TCEAL5: variants seen among roughly 807,000 people sequenced by gnomAD.
TCEAL5 encodes transcription elongation factor A like 5, also known as transcription elongation factor A protein-like 5.
For synonymous variants in TCEAL5, 65 were observed against 61.2 expected (o/e 1.06, Z -0.29); for missense variants, 111 against 158.1 (o/e 0.70, Z 1.60).
chrX:103,273,987 C>G lies in TCEAL5; in HGVS notation c.577G>C (p.Gly193Arg), dbSNP rs780051560. The change falls in exon 3 of 3, where the codon GGA (glycine) becomes CGA (arginine). Residue 193 changes from glycine (G) to arginine (R), a missense_variant. By Grantham distance (125) the Gly-to-Arg change is moderately radical. Transcript: ENST00000372680. ...GQRGVRGVRG[G>R]GRGQKDLEDV... is the part of the protein sequence containing the mutation. ...TCTAAGTCTTTCTGGCCCCTACCTC[C>G]GCCCCTCACTCCCCTCACACCCCGT... The G allele has an allele frequency of 2.5e-6, 3 of 1,212,105 alleles. No individual in the cohort carries two copies. The East Asian group carries it at 8.9e-5, about 36-fold the overall frequency.
Position 103,273,949 on chromosome X carries a change from A to G in TCEAL5, c.615T>C (p.Tyr205=). The G allele has an allele frequency of 3.3e-6, 4 of 1,210,946 alleles. No individual in the cohort carries two copies. The highest frequency in any genetic ancestry group is 2.3e-4 in the Middle Eastern group (1 of 4,344). The change falls in exon 3 of 3, where the codon TAT becomes TAC. Residue 205 remains tyrosine (Y), a synonymous_variant. Coordinates refer to ENST00000372680, the MANE Select transcript of TCEAL5 (RefSeq NM_001012979.3). ...RGQKDLEDVP[Y]V ...GAATTAAAGGCCAAAGACATTAAAC[A>G]TATGGGACATCTTCTAAGTCTTTCT...
intron 1 of TCEAL5, among the ~76,000 whole-genome samples, chrX:103,275,739 TTC>T (rs1332766762): frequency 1.8e-5 from 2 of 111,193 alleles, no homozygotes; most frequent in Non-Finnish European, 3.8e-5. Context: ...AGCCCACCAC[TTC>T]TCTGAAAATG....
In TCEAL5 at chrX:103,273,871, G is replaced by A. The variant is rs1426325397; in HGVS notation, c.*72C>T. The stretch of plus-strand genomic sequence containing the variant: ...GCTTAAGGTTAAAGCACATAGGCCG[G>A]CAAATGCCTGCCAGGAAAAGCAGGA... On this transcript the variant is annotated 3_prime_UTR_variant, in exon 3 of 3. Coordinates refer to ENST00000372680, the MANE Select transcript of TCEAL5 (RefSeq NM_001012979.3). 1.7e-6 allele frequency: 2 copies of A among 1,158,615 alleles called. No individual in the cohort carries two copies. The highest frequency in any genetic ancestry group is 1.2e-6 in the Non-Finnish European group (1 of 866,929).
chrX:103,276,221 G>GGTC (rs985137521), intron 1 of TCEAL5, among the ~76,000 whole-genome samples: 1 of 110,530 alleles, frequency 9.0e-6, no homozygotes, highest in African/African-American at 3.3e-5. Flanking sequence ...GACATCACCC[G>GGTC]GTCGCCGGCT....
chrX:103,274,530 G>A lies in TCEAL5; in HGVS notation c.34C>T (p.Pro12Ser), dbSNP rs141706642. 17 of 1,199,574 alleles carry A rather than the reference G, an allele frequency of 1.4e-5. No individual in the cohort carries two copies. In the African/African-American group the frequency reaches 2.5e-4, roughly 18 times the overall value. The part of the protein sequence containing the change: ...EKLYKENEGK[P>S]ENERNLESEG... ...CTTTCTAGGTTTCTTTCATTCTCTG[G>A]CTTTCCTTCATTTTCTTTGTAGAGC... Residue 12 changes from proline to serine, a missense_variant, in exon 3 of 3, where the codon CCA becomes TCA. By Grantham distance (74) the Pro-to-Ser change is moderately conservative. Transcript: ENST00000372680.
In TCEAL5 at chrX:103,274,508, T is replaced by C. The variant is rs1569307031; in HGVS notation, c.56A>G (p.Glu19Gly). 8.3e-7 allele frequency: 1 copy of C among 1,208,447 alleles called. No individual in the cohort carries two copies. Residue 19 changes from glutamate (E) to glycine (G), a missense_variant, in exon 3 of 3, where the codon GAA becomes GGA. Transcript: ENST00000372680. ...CTCATCCTCTGGCTTTCCCTCACTT[T>C]CTAGGTTTCTTTCATTCTCTGGCTT... is the stretch of plus-strand genomic sequence containing the variant. ...EGKPENERNL[E>G]SEGKPEDEGS...
intron 1 of TCEAL5, among the ~76,000 whole-genome samples, chrX:103,276,125 C>A (rs1925552301): frequency 9.0e-6 from 1 of 111,377 alleles, no homozygotes; most frequent in Admixed American, 9.5e-5. Flanking sequence ...CTGACTGTGC[C>A]CGCCTCCCGC....
rs991798820 is a variant in TCEAL5, at chrX:103,273,751, T to C, written c.*192A>G. The C allele has an allele frequency of 4.1e-5, 23 of 567,887 alleles. No individual in the cohort carries two copies. Among genetic ancestry groups the C allele is most frequent in the Admixed American group, 1.6e-4 (4 of 24,738 alleles). 46.8% of individuals were successfully genotyped at this position (567,887 alleles called of 1,213,427 possible). The stretch of plus-strand genomic sequence containing the variant: ...CAATGTACCATGAACATTTATTCCA[T>C]GCACATGGGTGAAAATCCTCTACTA... On this transcript the variant is annotated 3_prime_UTR_variant, in exon 3 of 3. Transcript: ENST00000372680.
In TCEAL5 at chrX:103,274,334, T is replaced by C; in HGVS notation, c.230A>G (p.Lys77Arg). The C allele has an allele frequency of 8.3e-7, 1 of 1,211,583 alleles. No individual in the cohort carries two copies. The highest frequency in any genetic ancestry group is 1.1e-6 in the Non-Finnish European group (1 of 895,458). The change falls in exon 3 of 3, where the codon AAG becomes AGG. Residue 77 changes from lysine (K) to arginine (R), a missense_variant. Physicochemically the swap from Lys to Arg is conservative, Grantham distance 26. Transcript: ENST00000372680. ...EDEGNQEKQG[K>R]SEGEDKPQSE... ...TTGTGGCTTGTCCTCACCTTCAGAC[T>C]TGCCCTGCTTTTCCTGGTTTCCCTC...
intron 2 of TCEAL5, among the ~76,000 whole-genome samples, chrX:103,275,011 C>A (rs767203537): frequency 9.0e-6 from 1 of 111,694 alleles, no homozygotes; most frequent in Non-Finnish European, 1.9e-5. Flanking sequence ...ATAGCCAGTT[C>A]TCAGATTTCA....
chrX:103,274,434 T>C lies in TCEAL5; in HGVS notation c.130A>G (p.Met44Val), dbSNP rs1037266574. 2 of 1,211,606 alleles carry C rather than the reference T, an allele frequency of 1.7e-6. No homozygotes were observed. The highest frequency in any genetic ancestry group is 5.9e-5 in the East Asian group (2 of 33,835). Residue 44 changes from methionine to valine, a missense_variant, in exon 3 of 3, where the codon ATG becomes GTG. Transcript: ENST00000372680. ...GKSDEEEKPDMEGKTECEGKR... is the reference protein window; with the variant it reads ...GKSDEEEKPDVEGKTECEGKR... ...CCCTCGCATTCTGTCTTCCCCTCCA[T>C]GTCCGGCTTTTCTTCCTCGTCTGAC...
intron 1 of TCEAL5, among the ~76,000 whole-genome samples, 155 bp from the exon 2 acceptor site, chrX:103,275,497 C>T (rs762881879): frequency 9.8e-5 from 11 of 111,866 alleles, no homozygotes; most frequent in African/African-American, 9.8e-5. Flanking sequence ...ATTCCCCCTC[C>T]GCGCGCAGCT....
Position 103,274,570 on chromosome X carries a change from A to G in TCEAL5, c.-7T>C. Reference sequence around the variant, plus strand: ...CTTTGTAGAGCTTTTCCATGTTGAGATGTTCCCTTCTTTGCCTTTCCTAGG... The same window carrying G: ...CTTTGTAGAGCTTTTCCATGTTGAGGTGTTCCCTTCTTTGCCTTTCCTAGG... On this transcript the variant is annotated 5_prime_UTR_variant, in exon 3 of 3. Transcript: ENST00000372680. 1.7e-6 allele frequency: 2 copies of G among 1,182,140 alleles called. No homozygotes were observed. Among genetic ancestry groups the G allele is most frequent in the South Asian group, 2.0e-5 (1 of 50,392 alleles).
chrX:103,273,717 G>T lies in TCEAL5; in HGVS notation c.*226C>A. 1 of 480,251 alleles carries T rather than the reference G, an allele frequency of 2.1e-6. No individual in the cohort carries two copies. The highest frequency in any genetic ancestry group is 5.6e-5 in the South Asian group (1 of 17,972). The allele number at this position is 480,251 out of a possible 1,213,427, so 39.6% of individuals were successfully genotyped here. Reference sequence around the variant, plus strand: ...ATGGTTCTGAAAACTCTTTTTTATTGTTATTTTACAATGTACCATGAACAT... The same window carrying T: ...ATGGTTCTGAAAACTCTTTTTTATTTTTATTTTACAATGTACCATGAACAT... On this transcript the variant is annotated 3_prime_UTR_variant, in exon 3 of 3. Coordinates refer to ENST00000372680, the MANE Select transcript of TCEAL5 (RefSeq NM_001012979.3).
At position 103,274,263 on chromosome X, in the gene TCEAL5, G is replaced by T. The variant is rs750367577; in HGVS notation, c.301C>A (p.Arg101=). The T allele has an allele frequency of 8.4e-7, 1 of 1,193,685 alleles. No homozygotes were observed. The highest frequency in any genetic ancestry group is 2.2e-5 in the Admixed American group (1 of 45,164). Reference sequence around the variant, plus strand: ...TCAGCCGGGCGCTTTTCGGCGGCCCGCGGCTGGCTCTCTGGCTTGGCCTGG... The same window carrying T: ...TCAGCCGGGCGCTTTTCGGCGGCCCTCGGCTGGCTCTCTGGCTTGGCCTGG... ...ASQAKPESQP[R]AAEKRPAEDY... is the part of the protein sequence containing the mutation. Residue 101 remains arginine, a synonymous_variant, in exon 3 of 3, where the codon CGG becomes AGG. Coordinates refer to ENST00000372680, the MANE Select transcript of TCEAL5 (RefSeq NM_001012979.3).
rs756169606 is a variant in TCEAL5 at position 103,274,531 on chromosome X, C to T, written c.33G>A (p.Lys11=). The change falls in exon 3 of 3, where the codon AAG becomes AAA. Residue 11 remains lysine, a synonymous_variant. Coordinates refer to ENST00000372680, the MANE Select transcript of TCEAL5 (RefSeq NM_001012979.3). The part of the protein sequence containing the change: MEKLYKENEG[K]PENERNLESE... ...TTTCTAGGTTTCTTTCATTCTCTGG[C>T]TTTCCTTCATTTTCTTTGTAGAGCT... The T allele has an allele frequency of 1.7e-6, 2 of 1,201,772 alleles. No individual in the cohort carries two copies. Among genetic ancestry groups the T allele is most frequent in the Admixed American group, 4.5e-5 (2 of 44,130 alleles).
rs1225492340 is a variant in TCEAL5 at position 103,275,288 on chromosome X, G to A, written c.-41C>T. 3.6e-5 allele frequency: 4 copies of A among 111,748 alleles called. No homozygotes were observed. The highest frequency in any genetic ancestry group is 1.3e-4 in the African/African-American group (4 of 30,501). 9.2% of individuals were successfully genotyped at this position (111,748 alleles called of 1,213,427 possible). A position where few individuals can be genotyped will look rare whatever the true frequency, so the allele number is the denominator to read the frequency against. On this transcript the variant is annotated 5_prime_UTR_variant, in exon 2 of 3. Transcript: ENST00000372680. ...TCTCCCACTGACCTGCACCGATACTGCAGGTCTTTCCTTTTCTTGTCTGGG... is the reference window on the plus strand; with the variant it reads ...TCTCCCACTGACCTGCACCGATACTACAGGTCTTTCCTTTTCTTGTCTGGG...
chrX:103,275,405 T>TGAAGGAAAGTCAGACGAGGAAGAAAAGCC, intron 1 of TCEAL5, 63 bp from the exon 2 acceptor site: 1 of 113,786 alleles, frequency 8.8e-6, no homozygotes. Flanking sequence ...ACTGGTAACT[T>TGAAGGAAAGTCAGACGAGGAAGAAAAGCC]GGACACTGGT....
In TCEAL5 at chrX:103,273,852, G is replaced by A. The variant is rs986141716; in HGVS notation, c.*91C>T. The A allele has an allele frequency of 2.8e-5, 32 of 1,123,832 alleles. No homozygotes were observed. Among genetic ancestry groups the A allele is most frequent in the African/African-American group, 3.7e-5 (2 of 54,701 alleles). 92.6% of individuals were successfully genotyped at this position (1,123,832 alleles called of 1,213,427 possible). A position where few individuals can be genotyped will look rare whatever the true frequency, so the allele number is the denominator to read the frequency against. On this transcript the variant is annotated 3_prime_UTR_variant, in exon 3 of 3. Transcript: ENST00000372680. ...CACCTAAAGGAAAGTATCAGCTTAA[G>A]GTTAAAGCACATAGGCCGGCAAATG...
Sources: gnomAD v4.1 joint callset for allele counts (sites outside exome capture counted in the v4.1 genomes callset) on GRCh38, gnomAD v4.1.1 for gene constraint, MANE v1.5 for transcripts, NCBI Gene and HGNC (gene_info 2026-07-23, HGNC 2026-07-21) for gene names.